The following AOPEP variants were observed in gnomAD, a reference collection of about 807,000 sequenced individuals.
The protein encoded by AOPEP is aminopeptidase O.
Under a neutral mutation model 98.1 loss-of-function variants are expected in AOPEP, and 77 were observed. The ratio of observed to expected loss-of-function variants is 0.78; its 90% CI spans 0.65 to 0.95. AOPEP has a LOEUF of 0.95. Among genes scored for constraint, AOPEP ranks in the 40% least tolerant of loss-of-function variants. AOPEP has a pLI of 0.00. For synonymous variants in AOPEP, 346 were observed against 365.3 expected, an observed-to-expected ratio of 0.95 and a Z score of 0.60; for missense variants, 1,024 against 1,024.7, an observed-to-expected ratio of 1.00 and a Z score of 0.01.
intron 5 of AOPEP, among the ~76,000 whole-genome samples, chr9:94,877,534 C>T (rs1003141988): frequency 3.3e-5 from 5 of 151,606 alleles, no homozygotes; most frequent in African/African-American, 4.9e-5. Context: ...CGATTCTCTG[C>T]CCCAGGCTCT....
intron 5 of AOPEP, among the ~76,000 whole-genome samples, chr9:94,853,276 A>G (rs902541734): frequency 1.2e-4 from 18 of 152,198 alleles, no homozygotes; most frequent in Non-Finnish European, 2.1e-4. Flanking sequence ...CCTGGTAAAC[A>G]TGGTGAAACC....
chr9:95,017,488 C>T (rs935250547), intron 13 of AOPEP, among the ~76,000 whole-genome samples: 4 of 152,158 alleles, frequency 2.6e-5, no homozygotes, highest in Admixed American at 6.5e-5. Flanking sequence ...ATGGGACCAC[C>T]GTTGTGTATG....
chr9:95,118,721 G>A, the AOPEP span, among the ~76,000 whole-genome samples: 2 of 152,300 alleles, frequency 1.3e-5, no homozygotes, highest in Non-Finnish European at 1.5e-5. Flanking sequence ...TAAAGATTAA[G>A]CCACGTTATT....
chr9:95,111,076 CAG>C, the AOPEP span: 4 of 1,506,950 alleles, frequency 2.7e-6, no homozygotes, highest in Non-Finnish European at 3.5e-6. Flanking sequence ...GGGAGCGAGA[CAG>C]GGCCCTGGCT....
At chr9:95,031,755 C>T (rs2064324531) in intron 13 of AOPEP, among the ~76,000 whole-genome samples, 1 of 152,200 alleles carries the variant, frequency 6.6e-6, no homozygotes, top group Non-Finnish European at 1.5e-5. Flanking sequence ...GCTGCTGGAT[C>T]ATGTCATTTC....
the AOPEP span, chr9:95,099,774 G>A: frequency 4.3e-6 from 1 of 232,486 alleles, no homozygotes; most frequent in Non-Finnish European, 8.5e-6. Flanking sequence ...CTCGGCAGCT[G>A]TGAAGGAACT....
chr9:94,785,852 T>C (rs1156444450), intron 3 of AOPEP, among the ~76,000 whole-genome samples: 1 of 152,244 alleles, frequency 6.6e-6, no homozygotes, highest in Non-Finnish European at 1.5e-5. Context: ...TCATTTAAAG[T>C]AAACACCATT....
intron 5 of AOPEP, among the ~76,000 whole-genome samples, chr9:94,901,902 G>A (rs2050459064): frequency 6.6e-6 from 1 of 151,906 alleles, no homozygotes; most frequent in South Asian, 2.1e-4. Flanking sequence ...GAGTGAGACT[G>A]TGTCTCAAAA....
chr9:95,009,501 G>T (rs1331363394), intron 13 of AOPEP, among the ~76,000 whole-genome samples: 3 of 152,144 alleles, frequency 2.0e-5, no homozygotes, highest in South Asian at 4.2e-4. Context: ...GTTTTACAGT[G>T]CTCATTTCAG....
intron 5 of AOPEP, among the ~76,000 whole-genome samples, chr9:94,832,081 C>A (rs1169501448): frequency 6.6e-6 from 1 of 151,830 alleles, no homozygotes; most frequent in African/African-American, 2.4e-5. Flanking sequence ...AACCCAGAAC[C>A]AATAGAAGGA....
downstream of AOPEP, among the ~76,000 whole-genome samples, chr9:95,089,339 C>T (rs147287565): frequency 6.6e-6 from 1 of 152,338 alleles, no homozygotes; most frequent in African/African-American, 2.4e-5. Context: ...CGCTCACTGC[C>T]TTAGCCCAGC....
At chr9:94,741,741 C>G (rs1197972831) in intron 1 of AOPEP, among the ~76,000 whole-genome samples, 1 of 152,086 alleles carries the variant, frequency 6.6e-6, no homozygotes, top group Non-Finnish European at 1.5e-5. Flanking sequence ...TGCGGCCCCC[C>G]AAAAAAGAAG....
the AOPEP span, chr9:95,100,445 A>G: frequency 1.6e-3 from 369 of 231,626 alleles, 1 homozygote; most frequent in Admixed American, 3.2e-3. Flanking sequence ...AACTTTGCTC[A>G]TACCTCAAAA....
chr9:95,083,156 C>T (rs1048187467), intron 16 of AOPEP: 2 of 176,836 alleles, frequency 1.1e-5, no homozygotes, highest in African/African-American at 4.8e-5. Flanking sequence ...CTAGCTTCTG[C>T]AAGCAGATGT....
chr9:95,000,295 A>G (rs1230798345), intron 11 of AOPEP, among the ~76,000 whole-genome samples: 1 of 152,254 alleles, frequency 6.6e-6, no homozygotes, highest in Non-Finnish European at 1.5e-5. Flanking sequence ...GAAAATTACT[A>G]TCTAATGTAA....
At position 94,980,232 on chromosome 9, in the gene AOPEP, A is replaced by G. The variant is rs1335527583; in HGVS notation, c.1977+805A>G. Among the ~76,000 whole-genome samples the G allele has an allele frequency of 6.6e-6, 1 of 152,214 alleles. No homozygotes were observed. ...GCCATGGCAAGCCTAGGCCCTGGGA[A>G]GTCTGAGGGTGGGATCCCAGATGCG... On this transcript the variant is annotated intron_variant, in intron 11 of 16. Transcript: ENST00000375315. The surrounding 1 kb of genome is among the most constrained non-coding windows in gnomAD (Gnocchi z 4.3).
At chr9:95,101,817 T>C in the AOPEP span, 4 of 1,613,978 alleles carry the variant, frequency 2.5e-6, no homozygotes, top group Middle Eastern at 1.6e-4. Flanking sequence ...AGAAAGCCAA[T>C]GATCTCGTGA....
intron 10 of AOPEP, 49 bp from the exon 11 acceptor site, chr9:94,979,318 C>T (rs1465732162): frequency 5.6e-6 from 7 of 1,245,360 alleles, no homozygotes; most frequent in Middle Eastern, 1.9e-4. Flanking sequence ...GTGTAATAAG[C>T]GCTCTGTAAC....
intron 14 of AOPEP, among the ~76,000 whole-genome samples, chr9:95,062,661 G>A (rs1413936193): frequency 2.0e-5 from 3 of 152,216 alleles, no homozygotes; most frequent in East Asian, 3.9e-4. Flanking sequence ...TGGTGCTTCT[G>A]TGTATGGGCT....
Sources: gnomAD v4.1 joint callset for allele counts (sites outside exome capture counted in the v4.1 genomes callset) on GRCh38, gnomAD v4.1.1 for gene constraint, Gnocchi (gnomAD v3.1) non-coding constraint, MANE v1.5 for transcripts, NCBI Gene and HGNC (gene_info 2026-07-23, HGNC 2026-07-21) for gene names.